Variants in DYM observed in about 807,000 individuals in gnomAD.
DYM encodes the protein dymeclin, also known as dyggve-Melchior-Clausen syndrome protein.
Under a neutral mutation model 93.1 loss-of-function variants are expected in DYM, and 78 were observed. The ratio of observed to expected loss-of-function variants is 0.84; its 90% CI spans 0.70 to 1.01. The LOEUF (loss-of-function observed/expected upper bound fraction) is 1.01, where lower values mean the gene tolerates loss of function less well. Among genes scored for constraint, DYM ranks in the 50% least tolerant of loss-of-function variants. DYM has a pLI of 0.00. For synonymous variants in DYM, 321 were observed against 319.7 expected, an observed-to-expected ratio of 1.00 and a Z score of -0.04; for missense variants, 789 against 845.0, an observed-to-expected ratio of 0.93 and a Z score of 0.82.
chr18:49,377,343 T>G (rs1159004605), intron 5 of DYM, among the ~76,000 whole-genome samples: 1 of 152,090 alleles, frequency 6.6e-6, no homozygotes, highest in Non-Finnish European at 1.5e-5. Flanking sequence ...GTGGATCACT[T>G]GAGGTCAGGA....
chr18:49,396,931 G>C (rs1023728004), intron 2 of DYM, among the ~76,000 whole-genome samples: 1 of 152,176 alleles, frequency 6.6e-6, no homozygotes, highest in Non-Finnish European at 1.5e-5. Context: ...CAGGGAGAGG[G>C]AGAGAGGTCA....
chr18:49,078,323 C>T lies in DYM; in HGVS notation c.2025+19079G>A, dbSNP rs796154131. On this transcript the variant is annotated intron_variant, in intron 17 of 17. Transcript: ENST00000675505. ...CATTCTCCATGATGTGCTTATTTCACGTTGCATGCCTGTATCAAAACATCT... is the reference window on the plus strand; with the variant it reads ...CATTCTCCATGATGTGCTTATTTCATGTTGCATGCCTGTATCAAAACATCT... Among the ~76,000 whole-genome samples, 49 of 152,128 alleles carry T rather than the reference C, an allele frequency of 3.2e-4. 1 individual carries two copies. Among genetic ancestry groups the T allele is most frequent in the African/African-American group, 1.1e-3 (44 of 41,506 alleles).
intron 14 of DYM, among the ~76,000 whole-genome samples, chr18:49,190,868 T>C (rs1452961446): frequency 6.6e-6 from 1 of 152,180 alleles, no homozygotes; most frequent in Admixed American, 6.5e-5. Context: ...TAAATAGTGA[T>C]TTTCTTAATA....
At chr18:49,231,421 C>A (rs1338448111) in intron 13 of DYM, among the ~76,000 whole-genome samples, 1 of 152,158 alleles carries the variant, frequency 6.6e-6, no homozygotes, top group African/African-American at 2.4e-5. Context: ...TAAAAGGTAT[C>A]AGAATCACAG....
intron 2 of DYM, chr18:49,412,035 A>G (rs942239139): frequency 1.3e-5 from 2 of 152,172 alleles, no homozygotes; most frequent in Non-Finnish European, 2.9e-5. Flanking sequence ...CAAAAACTGC[A>G]TATAAATTAT....
At chr18:49,076,984 C>T (rs2077361845) in intron 17 of DYM, among the ~76,000 whole-genome samples, 1 of 152,170 alleles carries the variant, frequency 6.6e-6, no homozygotes, top group Non-Finnish European at 1.5e-5. Flanking sequence ...ATATGGTGCC[C>T]TGCACAACAC....
intron 15 of DYM, among the ~76,000 whole-genome samples, chr18:49,130,334 A>G (rs1328007438): frequency 1.3e-5 from 2 of 152,230 alleles, no homozygotes; most frequent in African/African-American, 2.4e-5. Context: ...AACTCTGCTC[A>G]AGAAGGAACC....
At chr18:49,366,610 A>G (rs1378111793) in intron 5 of DYM, among the ~76,000 whole-genome samples, 1 of 152,192 alleles carries the variant, frequency 6.6e-6, no homozygotes, top group Non-Finnish European at 1.5e-5. Flanking sequence ...TGGGCAACAT[A>G]CCAAGACCCT....
intron 16 of DYM, among the ~76,000 whole-genome samples, chr18:49,100,084 T>C (rs2079979044): frequency 6.6e-6 from 1 of 152,188 alleles, no homozygotes; most frequent in Non-Finnish European, 1.5e-5. Flanking sequence ...GAGGAACTCC[T>C]ATCTCCTCCC....
chr18:49,306,353 A>G (rs956094436), intron 8 of DYM, among the ~76,000 whole-genome samples: 14 of 152,198 alleles, frequency 9.2e-5, no homozygotes, highest in Admixed American at 6.5e-5. Context: ...TTTTTGTAAT[A>G]TACCACATCA....
At chr18:49,224,165 ACT>A (rs1453776018) in intron 13 of DYM, among the ~76,000 whole-genome samples, 1 of 151,916 alleles carries the variant, frequency 6.6e-6, no homozygotes, top group Non-Finnish European at 1.5e-5. Flanking sequence ...GTCAAAATTG[ACT>A]CTCAGGTTTC....
At chr18:49,454,117 C>G (rs2082763782) in intron 1 of DYM, among the ~76,000 whole-genome samples, 1 of 152,114 alleles carries the variant, frequency 6.6e-6, no homozygotes. Flanking sequence ...AGGAGGAGCC[C>G]TAGCTGCTGA....
At chr18:49,194,944 A>C (rs141425089) in intron 14 of DYM, among the ~76,000 whole-genome samples, 128 of 152,240 alleles carry the variant, frequency 8.4e-4, no homozygotes, top group African/African-American at 2.7e-3. Flanking sequence ...TGCCAAAGGA[A>C]AACTTTTTGG....
chr18:49,349,138 G>A (rs776013419), intron 6 of DYM, among the ~76,000 whole-genome samples: 2 of 152,156 alleles, frequency 1.3e-5, no homozygotes, highest in Non-Finnish European at 2.9e-5. Flanking sequence ...AACCTGGGAG[G>A]CGGAGGTTGC....
chr18:49,169,891 A>G (rs2145218991), intron 14 of DYM, among the ~76,000 whole-genome samples: 1 of 152,324 alleles, frequency 6.6e-6, no homozygotes, highest in South Asian at 2.1e-4. Context: ...TATTATCCAA[A>G]TAAAGAGATG....
chr18:49,148,123 C>T lies in DYM; in HGVS notation c.1728+15562G>A, dbSNP rs1238817691. On this transcript the variant is annotated intron_variant, in intron 15 of 17. Transcript: ENST00000675505. ...AAACCAAACACCGCATGTTCTCACT[C>T]ACAGGTGGGAATTGAACAATGAGAA... Among the ~76,000 whole-genome samples the T allele has an allele frequency of 3.3e-5, 5 of 152,056 alleles. No homozygotes were observed. The East Asian group carries it at 9.6e-4, about 29-fold the overall frequency.
intron 2 of DYM, among the ~76,000 whole-genome samples, chr18:49,423,119 T>A (rs1233040888): frequency 6.6e-6 from 1 of 152,174 alleles, no homozygotes; most frequent in Non-Finnish European, 1.5e-5. Flanking sequence ...TAGCACTTAT[T>A]CCAAAATTGA....
chr18:49,307,302 T>G (rs2061330540), intron 8 of DYM, among the ~76,000 whole-genome samples: 1 of 152,066 alleles, frequency 6.6e-6, no homozygotes, highest in Non-Finnish European at 1.5e-5. Flanking sequence ...TCCTTTTCTT[T>G]TGTTGCTTCA....
intron 5 of DYM, among the ~76,000 whole-genome samples, chr18:49,375,229 C>CAT (rs567979568): frequency 0.043 from 6,311 of 145,782 alleles, 486 homozygotes; most frequent in African/African-American, 0.055. Flanking sequence ...CACACACACA[C>CAT]ATCTATACCT....
Sources: allele counts gnomAD v4.1 joint callset (sites outside exome capture counted in the v4.1 genomes callset), GRCh38; gene constraint gnomAD v4.1.1; transcripts MANE v1.5; gene names NCBI Gene and HGNC (gene_info 2026-07-23, HGNC 2026-07-21).